The following KIAA1549L variants were observed in gnomAD, a reference collection of about 807,000 sequenced individuals.
KIAA1549L encodes UPF0606 protein KIAA1549L.
A neutral mutation model predicts 160.7 loss-of-function variants in KIAA1549L; 88 were observed. That is an observed-to-expected ratio of 0.55 (90% CI 0.46 to 0.65). The LOEUF (loss-of-function observed/expected upper bound fraction) is 0.65. KIAA1549L is among the 30% of genes least tolerant of loss of function. The pLI is 0.00. For synonymous variants in KIAA1549L, 950 were observed against 976.7 expected, an observed-to-expected ratio of 0.97 and a Z score of 0.51; for missense variants, 2,258 against 2,437.5, an observed-to-expected ratio of 0.93 and a Z score of 1.55.
intron 1 of KIAA1549L, among the ~76,000 whole-genome samples, chr11:33,503,985 G>C (rs1438989737): frequency 1.3e-5 from 2 of 152,202 alleles, no homozygotes; most frequent in African/African-American, 4.8e-5. Flanking sequence ...TCCCCAGCTG[G>C]GCACAGTGGC....
At chr11:33,622,028 T>C (rs1452717197) in intron 16 of KIAA1549L, among the ~76,000 whole-genome samples, 1 of 152,196 alleles carries the variant, frequency 6.6e-6, no homozygotes, top group Non-Finnish European at 1.5e-5. Flanking sequence ...TAGTTGCCAG[T>C]CCTGTGGGCT....
chr11:33,635,873 G>C (rs868047785), intron 16 of KIAA1549L, among the ~76,000 whole-genome samples: 3 of 152,146 alleles, frequency 2.0e-5, no homozygotes, highest in African/African-American at 7.2e-5. Flanking sequence ...GCCCTCATGG[G>C]GCTTATCCAG....
At chr11:33,419,905 CATATAT>C (rs57056542) in intron 1 of KIAA1549L, among the ~76,000 whole-genome samples, 5,336 of 53,548 alleles carry the variant, frequency 0.1, 163 homozygotes, top group South Asian at 0.3. Context: ...TACATACATA[CATATAT>C]ATATATGAAT....
intron 16 of KIAA1549L, among the ~76,000 whole-genome samples, chr11:33,638,436 A>T (rs1192064867): frequency 3.6e-4 from 10 of 28,158 alleles, no homozygotes; most frequent in South Asian, 1.6e-3. Context: ...AAAAAAAAAA[A>T]TAAATAAATA....
intron 1 of KIAA1549L, among the ~76,000 whole-genome samples, chr11:33,405,089 T>C (rs1208182884): frequency 2.6e-5 from 4 of 152,160 alleles, no homozygotes; most frequent in African/African-American, 9.7e-5. Context: ...TATTTTCATT[T>C]TGTTATATTG....
Position 33,545,320 on chromosome 11 carries a change from T to C in KIAA1549L, c.3327T>C (p.Thr1109=), listed in dbSNP as rs1854212584. The change falls in exon 3 of 21, where the codon ACT becomes ACC. Residue 1109 remains threonine (T), a synonymous_variant. Coordinates refer to ENST00000658780, the MANE Select transcript of KIAA1549L (RefSeq NM_012194.3). ...CTGCATCGGCTGCAGTGGTCACGAC[T>C]GGCAAAATGGCATCCAACCTGGAGT... is the stretch of plus-strand genomic sequence containing the variant. ...LPAASAAVVT[T]GKMASNLECQ... 6.2e-7 allele frequency: 1 copy of C among 1,613,196 alleles called. No individual in the cohort carries two copies. Among genetic ancestry groups the C allele is most frequent in the African/African-American group, 1.3e-5 (1 of 74,908 alleles).
intron 1 of KIAA1549L, among the ~76,000 whole-genome samples, chr11:33,532,680 G>A (rs2133153192): frequency 6.6e-6 from 1 of 152,290 alleles, no homozygotes; most frequent in Middle Eastern, 3.4e-3. Context: ...CAAGGGAGAG[G>A]AGTTTGGCAT....
chr11:33,563,981 A>C (rs1263071375), intron 8 of KIAA1549L, among the ~76,000 whole-genome samples: 3 of 152,048 alleles, frequency 2.0e-5, no homozygotes, highest in African/African-American at 7.2e-5. Flanking sequence ...GCTCCATTCC[A>C]GGTCTTTTTT....
chr11:33,471,232 T>TA (rs1852171942), intron 1 of KIAA1549L, among the ~76,000 whole-genome samples: 1 of 151,594 alleles, frequency 6.6e-6, no homozygotes, highest in African/African-American at 2.4e-5. Context: ...TTTTTTTTTT[T>TA]TCAACATTCT....
chr11:33,540,282 A>G (rs560497810), intron 1 of KIAA1549L, among the ~76,000 whole-genome samples: 1 of 152,346 alleles, frequency 6.6e-6, no homozygotes, highest in African/African-American at 2.4e-5. Context: ...TTGATTCTGA[A>G]TCCATAAGTT....
rs368722488 is a variant in KIAA1549L at position 33,645,808 on chromosome 11, C to T, written c.5532C>T (p.Ile1844=). 17 of 1,613,978 alleles carry T rather than the reference C, an allele frequency of 1.1e-5. No homozygotes were observed. The highest frequency in any genetic ancestry group is 1.0e-4 in the Admixed American group (6 of 60,028). ...CCACACTGAGCTCCCAGCCATCCAT[C>T]GACGAGGTCAGGCAGCAGATGCACA... The part of the protein sequence containing the change: ...ETSTLSSQPS[I]DEVRQQMHML... Residue 1844 remains isoleucine (I), a synonymous_variant, in exon 17 of 21, where the codon ATC becomes ATT. Coordinates refer to ENST00000658780, the MANE Select transcript of KIAA1549L (RefSeq NM_012194.3).
rs145037164 is a variant in KIAA1549L, at chr11:33,504,311, A to C, written c.239-37491A>C. Among the ~76,000 whole-genome samples the C allele has an allele frequency of 1.3e-3, 191 of 152,222 alleles. 2 individuals carry two copies. The highest frequency in any genetic ancestry group is 4.4e-3 in the African/African-American group (184 of 41,556). On this transcript the variant is annotated intron_variant, in intron 1 of 20. Transcript: ENST00000658780. ...GTTTTTCTTCTGATGTAAGAACTTT[A>C]TTTCTTATCTTTATCATCATCACTT...
intron 1 of KIAA1549L, among the ~76,000 whole-genome samples, chr11:33,434,423 G>C (rs982345550): frequency 2.0e-5 from 3 of 152,182 alleles, no homozygotes; most frequent in Admixed American, 2.0e-4. Flanking sequence ...AAATTACCCA[G>C]TCCAAGGTGT....
intron 1 of KIAA1549L, among the ~76,000 whole-genome samples, chr11:33,494,225 T>C (rs1453720130): frequency 1.3e-5 from 2 of 152,220 alleles, no homozygotes; most frequent in Non-Finnish European, 2.9e-5. Flanking sequence ...GAAAAGCAAT[T>C]ATATAGATAT....
At chr11:33,606,119 C>T (rs1850493219) in intron 13 of KIAA1549L, among the ~76,000 whole-genome samples, 1 of 145,418 alleles carries the variant, frequency 6.9e-6, no homozygotes. Context: ...AAACAACCTT[C>T]AGAAGAGGAA....
chr11:33,396,655 T>TTC (rs397785076), intron 1 of KIAA1549L, among the ~76,000 whole-genome samples: 94 of 148,546 alleles, frequency 6.3e-4, no homozygotes, highest in African/African-American at 2.2e-3. Flanking sequence ...TCTTTTTTTT[T>TTC]CTCTTTCATT....
chr11:33,600,001 T>C lies in KIAA1549L; in HGVS notation c.4879+1054T>C, dbSNP rs1441112142. 2.0e-5 allele frequency among the ~76,000 whole-genome samples: 3 copies of C among 152,164 alleles called. 1 individual carries two copies. Among genetic ancestry groups the C allele is most frequent in the African/African-American group, 7.2e-5 (3 of 41,436 alleles). On this transcript the variant is annotated intron_variant, in intron 13 of 20. Coordinates refer to ENST00000658780, the MANE Select transcript of KIAA1549L (RefSeq NM_012194.3). ...TTGTTTTCAAATATCACTTTTATTTTTTTTTTCCGACTGAAAACGGTAAGA... is the reference window on the plus strand; with the variant it reads ...TTGTTTTCAAATATCACTTTTATTTCTTTTTTCCGACTGAAAACGGTAAGA...
chr11:33,574,982 G>C, intron 10 of KIAA1549L, 109 bp downstream of exon 10: 1 of 949,106 alleles, frequency 1.1e-6, no homozygotes, highest in Non-Finnish European at 1.6e-6. Context: ...AAACATATTT[G>C]TATTCTGGAA....
At chr11:33,638,257 A>G (rs1851490565) in intron 16 of KIAA1549L, among the ~76,000 whole-genome samples, 1 of 151,772 alleles carries the variant, frequency 6.6e-6, no homozygotes, top group South Asian at 2.1e-4. Flanking sequence ...TTTTTTTTTC[A>G]GTCAATATTC....
Sources: gnomAD v4.1 joint callset for allele counts (sites outside exome capture counted in the v4.1 genomes callset) on GRCh38, gnomAD v4.1.1 for gene constraint, MANE v1.5 for transcripts, NCBI Gene and HGNC (gene_info 2026-07-23, HGNC 2026-07-21) for gene names.